Variants in NKAIN3 observed in about 807,000 individuals in gnomAD.
NKAIN3 encodes the protein sodium/potassium transporting ATPase interacting 3.
NKAIN3 carries 25 observed loss-of-function variants against 30.2 expected under a neutral mutation model. The observed-to-expected ratio is 0.83, with a 90% CI of 0.60 to 1.16. The LOEUF is 1.16. NKAIN3 is among the 50% of genes most tolerant of loss of function. The pLI, the probability that NKAIN3 is intolerant of heterozygous loss-of-function variation, is 0.00. For synonymous variants in NKAIN3, 91 were observed against 89.6 expected (o/e 1.02, Z -0.09); for missense variants, 225 against 254.1 (o/e 0.89, Z 0.78).
intron 3 of NKAIN3, among the ~76,000 whole-genome samples, chr8:62,694,608 G>A (rs1814094442): frequency 6.6e-6 from 1 of 151,990 alleles, no homozygotes; most frequent in South Asian, 2.1e-4. Flanking sequence ...CTAGAATGAG[G>A]CTTTTTCTCC....
intron 4 of NKAIN3, among the ~76,000 whole-genome samples, chr8:62,795,890 G>T (rs1156930858): frequency 2.0e-5 from 3 of 152,088 alleles, no homozygotes; most frequent in Admixed American, 1.3e-4. Context: ...ATGCATGTGT[G>T]TATGTATGAA....
intron 4 of NKAIN3, among the ~76,000 whole-genome samples, chr8:62,774,590 A>G (rs971315832): frequency 6.6e-6 from 1 of 152,064 alleles, no homozygotes; most frequent in Non-Finnish European, 1.5e-5. Context: ...TTCTTTACTC[A>G]GTTTTTTTAG....
intron 1 of NKAIN3, among the ~76,000 whole-genome samples, chr8:62,505,170 T>G (rs776327116): frequency 6.6e-6 from 1 of 152,234 alleles, no homozygotes; most frequent in Non-Finnish European, 1.5e-5. Context: ...GGGCAATTAC[T>G]GTGGCTATGC....
intron 5 of NKAIN3, among the ~76,000 whole-genome samples, chr8:62,991,820 A>C (rs1390637533): frequency 6.6e-6 from 1 of 152,166 alleles, no homozygotes; most frequent in African/African-American, 2.4e-5. Context: ...TCTTTAATTG[A>C]ACGTGTCTTT....
At chr8:62,527,816 C>T (rs1383510534) in intron 1 of NKAIN3, among the ~76,000 whole-genome samples, 3 of 151,330 alleles carry the variant, frequency 2.0e-5, no homozygotes. Context: ...CTTCCTAGGT[C>T]TGACTTGTGA....
At chr8:62,539,805 T>G (rs1563447738) in intron 1 of NKAIN3, among the ~76,000 whole-genome samples, 1 of 152,174 alleles carries the variant, frequency 6.6e-6, no homozygotes, top group African/African-American at 2.4e-5. Flanking sequence ...GGTCTCTATC[T>G]CTGGGCTCAA....
intron 4 of NKAIN3, among the ~76,000 whole-genome samples, chr8:62,754,532 T>C (rs1816389306): frequency 6.6e-6 from 1 of 152,204 alleles, no homozygotes; most frequent in South Asian, 2.1e-4. Context: ...ACTGTCAATA[T>C]ATTCTCCCTC....
chr8:62,373,601 A>C (rs751976867), intron 1 of NKAIN3, among the ~76,000 whole-genome samples: 4 of 152,194 alleles, frequency 2.6e-5, no homozygotes, highest in Non-Finnish European at 5.9e-5. Flanking sequence ...GAAGATTTTT[A>C]TAGTTGAAAT....
chr8:62,332,740 C>T lies in NKAIN3; in HGVS notation c.54+83613C>T, dbSNP rs181079156. Among the ~76,000 whole-genome samples, 293 of 152,192 alleles carry T rather than the reference C, an allele frequency of 1.9e-3. 1 individual carries two copies. Among genetic ancestry groups the T allele is most frequent in the African/African-American group, 6.6e-3 (274 of 41,544 alleles). ...TTTTTATTTGTTTCTAAGAAGTTTTCGACCAGGCACTGTGGCTCACACTTA... is the reference window on the plus strand; with the variant it reads ...TTTTTATTTGTTTCTAAGAAGTTTTTGACCAGGCACTGTGGCTCACACTTA... On this transcript the variant is annotated intron_variant, in intron 1 of 6. Transcript: ENST00000623646.
At chr8:62,755,569 CA>C (rs1486417895) in intron 4 of NKAIN3, among the ~76,000 whole-genome samples, 4 of 151,776 alleles carry the variant, frequency 2.6e-5, no homozygotes, top group Non-Finnish European at 5.9e-5. Flanking sequence ...TAGCGCTTTC[CA>C]GGGTCTAGTA....
intron 1 of NKAIN3, among the ~76,000 whole-genome samples, chr8:62,450,896 G>A (rs1354900602): frequency 1.3e-5 from 2 of 152,208 alleles, no homozygotes; most frequent in African/African-American, 4.8e-5. Flanking sequence ...GCTTGTGAAA[G>A]AGGAAGGTAA....
chr8:62,526,427 C>T (rs914065807), intron 1 of NKAIN3, among the ~76,000 whole-genome samples: 1 of 152,022 alleles, frequency 6.6e-6, no homozygotes, highest in Non-Finnish European at 1.5e-5. Context: ...ATTTTGGACT[C>T]GATTTCTGCC....
chr8:62,851,534 C>T (rs1204341195), intron 4 of NKAIN3, among the ~76,000 whole-genome samples: 8 of 152,020 alleles, frequency 5.3e-5, no homozygotes, highest in Admixed American at 1.3e-4. Context: ...CGTCTTGTGC[C>T]GGTTTTCAAA....
At chr8:62,856,557 G>C (rs1820064882) in intron 4 of NKAIN3, 3 of 782,482 alleles carry the variant, frequency 3.8e-6, no homozygotes, top group Admixed American at 3.4e-5. Context: ...CTTAGGCACT[G>C]TCATTGCCAT....
intron 4 of NKAIN3, among the ~76,000 whole-genome samples, chr8:62,810,312 A>T (rs1818447133): frequency 1.3e-5 from 2 of 152,120 alleles, no homozygotes; most frequent in Non-Finnish European, 1.5e-5. Context: ...GGATATCACA[A>T]AGCATGCCAG....
In NKAIN3 at chr8:62,873,496, C is replaced by T. The variant is rs190890214; in HGVS notation, c.472-44957C>T. 5.1e-4 allele frequency among the ~76,000 whole-genome samples: 75 copies of T among 147,876 alleles called. 1 individual carries two copies. Among genetic ancestry groups the T allele is most frequent in the Admixed American group, 1.7e-3 (24 of 14,506 alleles). On this transcript the variant is annotated intron_variant, in intron 4 of 6. Transcript: ENST00000623646. ...CTCTGGATCAAATGGATCTAGTAGA[C>T]GTCTGCAGAATTCTCTACCCCAAAA... is the stretch of plus-strand genomic sequence containing the variant.
At chr8:62,406,422 T>G (rs75487999) in intron 1 of NKAIN3, among the ~76,000 whole-genome samples, 3,540 of 152,198 alleles carry the variant, frequency 0.023, 64 homozygotes, top group Non-Finnish European at 0.038. Context: ...CATAAGAAAA[T>G]AAAATACATC....
chr8:62,358,303 A>G (rs1404301749), intron 1 of NKAIN3, among the ~76,000 whole-genome samples: 1 of 136,490 alleles, frequency 7.3e-6, no homozygotes, highest in Non-Finnish European at 1.5e-5. Context: ...ATTAGGCTGT[A>G]CTTCATTTTC....
intron 1 of NKAIN3, among the ~76,000 whole-genome samples, chr8:62,299,040 T>C (rs909104769): frequency 2.4e-4 from 36 of 151,938 alleles, no homozygotes; most frequent in African/African-American, 8.7e-4. Context: ...ATGAAAAGTA[T>C]AGAGATGAGA....
Sources: allele counts gnomAD v4.1 joint callset (sites outside exome capture counted in the v4.1 genomes callset), GRCh38; gene constraint gnomAD v4.1.1; transcripts MANE v1.5; gene names NCBI Gene and HGNC (gene_info 2026-07-23, HGNC 2026-07-21).